Variants in PDGFC observed in about 807,000 individuals in gnomAD.
PDGFC encodes the protein platelet-derived growth factor C.
PDGFC carries 12 observed loss-of-function variants against 35.5 expected under a neutral mutation model. That is an observed-to-expected ratio of 0.34 (90% CI 0.22 to 0.55). The LOEUF (loss-of-function observed/expected upper bound fraction) is 0.55, where lower values mean the gene tolerates loss of function less well. Ranked by LOEUF, PDGFC falls within the 20% of genes least tolerant of loss-of-function variation. PDGFC has a pLI of 0.91. For synonymous variants in PDGFC, 159 were observed against 148.8 expected, an observed-to-expected ratio of 1.07 and a Z score of -0.50; for missense variants, 322 against 412.4, an observed-to-expected ratio of 0.78 and a Z score of 1.90.
chr4:156,891,042 C>T (rs980401319), intron 1 of PDGFC, among the ~76,000 whole-genome samples: 3 of 151,828 alleles, frequency 2.0e-5, no homozygotes, highest in African/African-American at 7.3e-5. Context: ...ATGTAAAAGC[C>T]TTCTACACAC....
At chr4:156,962,390 A>G (rs892979739) in intron 1 of PDGFC, among the ~76,000 whole-genome samples, 1 of 152,084 alleles carries the variant, frequency 6.6e-6, no homozygotes, top group African/African-American at 2.4e-5. Context: ...CTTCCCTTCC[A>G]GACAAAACCA....
intron 3 of PDGFC, among the ~76,000 whole-genome samples, chr4:156,799,157 G>T (rs1422899907): frequency 1.3e-5 from 2 of 152,196 alleles, no homozygotes. Context: ...AGAGATGACA[G>T]CCTTGATCTC....
chr4:156,824,325 T>TATATATATATAC (rs1313538089), intron 2 of PDGFC, among the ~76,000 whole-genome samples: 2 of 109,616 alleles, frequency 1.8e-5, no homozygotes, highest in East Asian at 5.5e-4. Context: ...TATATATATA[T>TATATATATATAC]ATACACACAC....
Position 156,780,107 on chromosome 4 carries a change from G to GTTTTTT in PDGFC, c.496-7220_496-7215dup, listed in dbSNP as rs35403686. Among the ~76,000 whole-genome samples the GTTTTTT allele has an allele frequency of 5.6e-5, 7 of 124,998 alleles. No homozygotes were observed. The South Asian group carries it at 1.3e-3, about 24-fold the overall frequency. 82.0% of individuals were successfully genotyped at this position (124,998 alleles called of 152,430 possible). A position where few individuals can be genotyped will look rare whatever the true frequency, so the allele number is the denominator to read the frequency against. ...GCATCTGTGGGAAGCCAAAATTAAG[G>GTTTTTT]TTTTTTTTTTTTTTTTTTTTTACTA... On this transcript the variant is annotated intron_variant, in intron 3 of 5. Transcript: ENST00000502773.
At chr4:156,869,743 C>T (rs1194081538) in intron 1 of PDGFC, among the ~76,000 whole-genome samples, 8 of 151,952 alleles carry the variant, frequency 5.3e-5, no homozygotes, top group Admixed American at 2.6e-4. Context: ...AAAAATATTC[C>T]ACCAAATATG....
chr4:156,861,810 T>G (rs542982719), intron 1 of PDGFC, among the ~76,000 whole-genome samples: 1 of 152,156 alleles, frequency 6.6e-6, no homozygotes. Flanking sequence ...ACTCAACTAA[T>G]AGCTATTGAG....
At chr4:156,844,468 C>T (rs550803987) in intron 2 of PDGFC, among the ~76,000 whole-genome samples, 3 of 152,026 alleles carry the variant, frequency 2.0e-5, no homozygotes, top group East Asian at 1.9e-4. Context: ...AAACAATCCA[C>T]GTACTAGATT....
chr4:156,835,529 G>A (rs1480110455), intron 2 of PDGFC, among the ~76,000 whole-genome samples: 1 of 152,176 alleles, frequency 6.6e-6, no homozygotes, highest in African/African-American at 2.4e-5. Flanking sequence ...CTGGGAACCA[G>A]ATCTTCTAGT....
intron 2 of PDGFC, among the ~76,000 whole-genome samples, chr4:156,825,590 T>TAAGAAGAAGAAGAAGAAGAAGAAG (rs1238405953): frequency 3.8e-5 from 3 of 78,358 alleles, no homozygotes; most frequent in East Asian, 3.8e-4. Flanking sequence ...ATAATAATAA[T>TAAGAAGAAGAAGAAGAAGAAGAAG]AATAAGAAGA....
chr4:156,808,472 G>C (rs564237438), intron 3 of PDGFC, among the ~76,000 whole-genome samples: 2 of 152,086 alleles, frequency 1.3e-5, no homozygotes, highest in East Asian at 3.9e-4. Flanking sequence ...AGAGCAAAAA[G>C]AGAAAAATAA....
chr4:156,776,980 T>A (rs774701748), intron 3 of PDGFC, among the ~76,000 whole-genome samples: 4 of 152,182 alleles, frequency 2.6e-5, no homozygotes, highest in Non-Finnish European at 5.9e-5. Context: ...AGCAAAATTA[T>A]CTTGAGAGCT....
intron 3 of PDGFC, among the ~76,000 whole-genome samples, chr4:156,806,020 T>C (rs184543988): frequency 3.9e-4 from 59 of 152,016 alleles, no homozygotes; most frequent in African/African-American, 1.3e-3. Flanking sequence ...ACAGTGGGGG[T>C]TATAATGTGG....
rs758126449 is a variant in PDGFC at position 156,850,280 on chromosome 4, C to A, written c.255G>T (p.Trp85Cys). Residue 85 changes from tryptophan to cysteine, a missense_variant, in exon 2 of 6, where the codon TGG (tryptophan) becomes TGT (cysteine). By Grantham distance (215) the Trp-to-Cys change is radical. This residue lies in a region of PDGFC where 120 missense variants were observed against 116.6 expected (regional missense o/e 1.03). Transcript: ENST00000502773. Reference protein sequence around the residue: ...WRLVAVEENVWIQLTFDERFG... With the variant: ...WRLVAVEENVCIQLTFDERFG... The stretch of plus-strand genomic sequence containing the variant: ...ATCTTTCATCAAACGTAAGTTGTAT[C>A]CATACATTTTCCTCTACTGCTACTA... 6 of 1,609,532 alleles carry A rather than the reference C, an allele frequency of 3.7e-6. No homozygotes were observed. In the Admixed American group the frequency reaches 6.7e-5, roughly 18 times the overall value.
At chr4:156,793,646 A>T (rs954774529) in intron 3 of PDGFC, among the ~76,000 whole-genome samples, 1 of 150,630 alleles carries the variant, frequency 6.6e-6, no homozygotes, top group Non-Finnish European at 1.5e-5. Context: ...GGGCAAAAAA[A>T]TTTTTTAAAT....
chr4:156,865,060 A>G (rs1019153155), intron 1 of PDGFC, among the ~76,000 whole-genome samples: 3 of 152,172 alleles, frequency 2.0e-5, no homozygotes, highest in Non-Finnish European at 4.4e-5. Context: ...CCAGACCCCA[A>G]GAAGCCATCT....
intron 2 of PDGFC, among the ~76,000 whole-genome samples, chr4:156,827,599 A>G (rs1264969510): frequency 6.6e-6 from 1 of 151,768 alleles, no homozygotes; most frequent in Non-Finnish European, 1.5e-5. Flanking sequence ...GGTCCTGTGG[A>G]CCATTTTTTT....
Position 156,762,214 on chromosome 4 carries a change from C to T in PDGFC, c.*876G>A, listed in dbSNP as rs917205644. 1 of 152,448 alleles carries T rather than the reference C, an allele frequency of 6.6e-6. No homozygotes were observed. The highest frequency in any genetic ancestry group is 2.4e-5 in the African/African-American group (1 of 41,406). 9.4% of individuals were successfully genotyped at this position (152,448 alleles called of 1,614,324 possible). On this transcript the variant is annotated 3_prime_UTR_variant, in exon 6 of 6. Coordinates refer to ENST00000502773, the MANE Select transcript of PDGFC (RefSeq NM_016205.3). ...ACAATATTTTATATCATCTTTGTTC[C>T]TCTGGCTATAACAATTGTGTTTAGA...
intron 1 of PDGFC, among the ~76,000 whole-genome samples, chr4:156,941,705 G>A (rs762500288): frequency 2.0e-5 from 3 of 151,894 alleles, no homozygotes; most frequent in Non-Finnish European, 2.9e-5. Context: ...TTTCTTTTTG[G>A]TATATGAATA....
chr4:156,908,162 T>C (rs1019838446), intron 1 of PDGFC, among the ~76,000 whole-genome samples: 1 of 152,232 alleles, frequency 6.6e-6, no homozygotes, highest in Middle Eastern at 3.4e-3. Context: ...TGAGACTCCA[T>C]TCCAAAAAAG....
Sources: gnomAD v4.1 joint callset for allele counts (sites outside exome capture counted in the v4.1 genomes callset) on GRCh38, gnomAD v4.1.1 for gene constraint, gnomAD v4.1.1 regional missense constraint, MANE v1.5 for transcripts, NCBI Gene and HGNC (gene_info 2026-07-23, HGNC 2026-07-21) for gene names.